Variants in DISC1 observed in about 807,000 individuals in gnomAD.
DISC1 encodes the protein disrupted in schizophrenia 1 protein.
In DISC1, 57 loss-of-function variants were observed where a neutral mutation model predicts 84.5. The observed-to-expected ratio is 0.67, with a 90% CI of 0.55 to 0.84. The LOEUF (loss-of-function observed/expected upper bound fraction) is 0.84. Ranked by LOEUF, DISC1 falls within the 40% of genes least tolerant of loss-of-function variation. The pLI, the probability that DISC1 is intolerant of heterozygous loss-of-function variation, is 0.00. For missense variants in DISC1, 1,000 were observed against 1,057.8 expected, an observed-to-expected ratio of 0.95 and a Z score of 0.76; for synonymous variants, 411 against 415.2, an observed-to-expected ratio of 0.99 and a Z score of 0.12.
At chr1:231,648,847 G>A (rs2060369278) in intron 1 of DISC1, among the ~76,000 whole-genome samples, 1 of 152,178 alleles carries the variant, frequency 6.6e-6, no homozygotes, top group South Asian at 2.1e-4. Context: ...TATTTGTGTA[G>A]AGGTATTTAT....
intron 8 of DISC1, among the ~76,000 whole-genome samples, chr1:231,817,975 A>T (rs1250406027): frequency 6.6e-6 from 1 of 152,156 alleles, no homozygotes; most frequent in South Asian, 2.1e-4. Context: ...ATAATATGTC[A>T]TCTCTTTGAC....
intron 9 of DISC1, among the ~76,000 whole-genome samples, chr1:231,885,022 A>G (rs2086582856): frequency 6.6e-6 from 1 of 152,132 alleles, no homozygotes; most frequent in African/African-American, 2.4e-5. Flanking sequence ...AGTTGTTATT[A>G]ATAGTTCACC....
intron 9 of DISC1, among the ~76,000 whole-genome samples, chr1:231,924,506 T>C (rs2090216356): frequency 6.6e-6 from 1 of 151,972 alleles, no homozygotes; most frequent in Non-Finnish European, 1.5e-5. Flanking sequence ...GTGGGTGAAA[T>C]GAGGATAATG....
intron 1 of DISC1, among the ~76,000 whole-genome samples, chr1:231,667,069 C>G (rs1447111552): frequency 2.0e-5 from 3 of 152,198 alleles, no homozygotes; most frequent in South Asian, 2.1e-4. Flanking sequence ...CACAGCCTGG[C>G]CCTTCAGACA....
intron 3 of DISC1, chr1:231,724,165 A>G (rs1035305076): frequency 4.4e-6 from 2 of 450,060 alleles, no homozygotes; most frequent in Non-Finnish European, 5.9e-6. Flanking sequence ...CAATTGTCAT[A>G]TCCTCTGTGT....
chr1:231,844,960 A>G (rs1025847760), intron 9 of DISC1, among the ~76,000 whole-genome samples: 1 of 151,884 alleles, frequency 6.6e-6, no homozygotes, highest in African/African-American at 2.4e-5. Flanking sequence ...AAGAAAAAGA[A>G]GAGTTATTAT....
At chr1:231,909,168 C>A (rs1271335958) in intron 9 of DISC1, among the ~76,000 whole-genome samples, 1 of 151,252 alleles carries the variant, frequency 6.6e-6, no homozygotes, top group Non-Finnish European at 1.5e-5. Flanking sequence ...ATATTTCTTT[C>A]TCCTGCCTGA....
At chr1:231,986,481 G>T (rs1453090261) in intron 10 of DISC1, among the ~76,000 whole-genome samples, 2 of 152,164 alleles carry the variant, frequency 1.3e-5, no homozygotes, top group Admixed American at 1.3e-4. Context: ...GGGGCTGAAG[G>T]AATTGATGGA....
At chr1:231,790,857 T>C (rs1049183205) in intron 6 of DISC1, among the ~76,000 whole-genome samples, 2 of 152,174 alleles carry the variant, frequency 1.3e-5, no homozygotes, top group Admixed American at 1.3e-4. Context: ...TCATATTGGA[T>C]TGGGGTTCAC....
chr1:231,910,291 T>G (rs1164396600), intron 9 of DISC1, among the ~76,000 whole-genome samples: 2 of 152,246 alleles, frequency 1.3e-5, no homozygotes, highest in Non-Finnish European at 2.9e-5. Flanking sequence ...AGAGCTTTCC[T>G]GCTTTCTCTT....
chr1:231,701,830 T>C, intron 2 of DISC1, 125 bp from the exon 3 acceptor site: 1 of 854,140 alleles, frequency 1.2e-6, no homozygotes, highest in Non-Finnish European at 1.7e-6. Flanking sequence ...ATTTTTGTTT[T>C]TTTTTTAAAA....
chr1:231,832,644 A>C (rs201912790), intron 9 of DISC1, among the ~76,000 whole-genome samples: 6,733 of 145,672 alleles, frequency 0.046, 308 homozygotes, highest in East Asian at 0.27. Flanking sequence ...GAAAGCGAAG[A>C]GAGGCTGGGA....
intron 2 of DISC1, among the ~76,000 whole-genome samples, chr1:231,695,798 G>C (rs2065612654): frequency 6.6e-6 from 1 of 152,130 alleles, no homozygotes; most frequent in East Asian, 1.9e-4. Flanking sequence ...GTAATCTGCA[G>C]AAGTTCATGC....
chr1:231,918,646 A>T (rs2089801559), intron 9 of DISC1, among the ~76,000 whole-genome samples: 1 of 152,198 alleles, frequency 6.6e-6, no homozygotes. Context: ...ACCTGCAATT[A>T]TCTTGTAGTA....
At chr1:231,887,360 T>C (rs1322786) in intron 9 of DISC1, among the ~76,000 whole-genome samples, 139,821 of 152,244 alleles carry the variant, frequency 0.92, 64,368 homozygotes, top group East Asian at 1. Context: ...TGCCAACCTC[T>C]GTTCTCCCTG....
Position 232,039,107 on chromosome 1 carries a change from A to G in DISC1, c.*2276A>G, listed in dbSNP as rs1558862727. 1 of 152,216 alleles carries G rather than the reference A, an allele frequency of 6.6e-6. No homozygotes were observed. The highest frequency in any genetic ancestry group is 1.5e-5 in the Non-Finnish European group (1 of 68,038). The allele number at this position is 152,216 out of a possible 1,614,324, so 9.4% of individuals were successfully genotyped here. A position where few individuals can be genotyped will look rare whatever the true frequency, so the allele number is the denominator to read the frequency against. The stretch of plus-strand genomic sequence containing the variant: ...AGCTTGTTCCTGGACTTCATTTTCA[A>G]TGATGAACCAAATTCCTGAATTATT... On this transcript the variant is annotated 3_prime_UTR_variant, in exon 13 of 13. Transcript: ENST00000439617.
At chr1:231,636,406 C>A (rs1020267423) in intron 1 of DISC1, among the ~76,000 whole-genome samples, 1 of 152,146 alleles carries the variant, frequency 6.6e-6, no homozygotes, top group African/African-American at 2.4e-5. Context: ...GCTGGCTAAT[C>A]GGCCTTGGGG....
intron 9 of DISC1, among the ~76,000 whole-genome samples, chr1:231,939,845 C>A (rs1162482648): frequency 6.6e-6 from 1 of 152,066 alleles, no homozygotes; most frequent in African/African-American, 2.4e-5. Context: ...CAGGTTCAAG[C>A]AATTCTCCTG....
chr1:231,667,291 A>G (rs1451167987), intron 1 of DISC1, among the ~76,000 whole-genome samples: 1 of 152,260 alleles, frequency 6.6e-6, no homozygotes, highest in Non-Finnish European at 1.5e-5. Flanking sequence ...CTTGAGCTTT[A>G]CAGTCTGTCT....
Sources: gnomAD v4.1 joint callset for allele counts (sites outside exome capture counted in the v4.1 genomes callset) on GRCh38, gnomAD v4.1.1 for gene constraint, MANE v1.5 for transcripts, NCBI Gene and HGNC (gene_info 2026-07-23, HGNC 2026-07-21) for gene names.